Variants in PDYN observed in about 807,000 individuals in gnomAD.
The protein encoded by PDYN is proenkephalin-B.
In PDYN, 5 loss-of-function variants were observed where a neutral mutation model predicts 11.4. That is an observed-to-expected ratio of 0.44 (90% CI 0.23 to 0.92). PDYN has a LOEUF of 0.92. Among genes scored for constraint, PDYN ranks in the 40% least tolerant of loss-of-function variants. The probability of loss-of-function intolerance (pLI) is 0.24; values close to 1 mark genes in which losing one functional copy is unlikely to be tolerated. For missense variants in PDYN, 337 were observed against 317.3 expected (o/e 1.06, Z -0.47); for synonymous variants, 132 against 129.5 (o/e 1.02, Z -0.13).
At chr20:1,991,552 G>A (rs916380869) in intron 2 of PDYN, among the ~76,000 whole-genome samples, 5 of 152,222 alleles carry the variant, frequency 3.3e-5, no homozygotes, top group East Asian at 1.9e-4. Flanking sequence ...GTCTCCAGCC[G>A]ATGTTCACTG....
At chr20:1,988,634 G>A (rs1988299880) in intron 2 of PDYN, among the ~76,000 whole-genome samples, 1 of 152,222 alleles carries the variant, frequency 6.6e-6, no homozygotes, top group African/African-American at 2.4e-5. Flanking sequence ...GGGCCTGCAT[G>A]GTCTTCTTTC....
chr20:1,991,013 G>T (rs540244072), intron 2 of PDYN, among the ~76,000 whole-genome samples: 8 of 151,056 alleles, frequency 5.3e-5, no homozygotes, highest in Non-Finnish European at 1.5e-5. Context: ...AGGGAAGGGG[G>T]TGAGGAGGAG....
chr20:1,981,780 G>T (rs1385933227), intron 3 of PDYN, among the ~76,000 whole-genome samples: 1 of 151,874 alleles, frequency 6.6e-6, no homozygotes, highest in Non-Finnish European at 1.5e-5. Flanking sequence ...ACAAAAATTA[G>T]CTGGGTGTGG....
Position 1,979,981 on chromosome 20 carries a change from G to A in PDYN, c.*342C>T, listed in dbSNP as rs1007947496. 8 of 389,628 alleles carry A rather than the reference G, an allele frequency of 2.1e-5. No individual in the cohort carries two copies. Among genetic ancestry groups the A allele is most frequent in the African/African-American group, 2.1e-5 (1 of 48,424 alleles). 24.1% of individuals were successfully genotyped at this position (389,628 alleles called of 1,614,324 possible). A position where few individuals can be genotyped will look rare whatever the true frequency, so the allele number is the denominator to read the frequency against. ...GACCTACAGGTACAAAGAACACATC[G>A]CTCTGGTTCCCTGGAATTGAGGAGT... On this transcript the variant is annotated 3_prime_UTR_variant, in exon 4 of 4. Coordinates refer to ENST00000217305, the MANE Select transcript of PDYN (RefSeq NM_024411.5).
rs1183244135 is a variant in PDYN, at chr20:1,980,242, A to G, written c.*81T>C. ...TGAGCTGAGCATGGGGAAGGGGCAC[A>G]TATAAGAGGATGAATGAATGCACTC... On this transcript the variant is annotated 3_prime_UTR_variant, in exon 4 of 4. Coordinates refer to ENST00000217305, the MANE Select transcript of PDYN (RefSeq NM_024411.5). 6 of 1,357,376 alleles carry G rather than the reference A, an allele frequency of 4.4e-6. No individual in the cohort carries two copies. Among genetic ancestry groups the G allele is most frequent in the East Asian group, 2.3e-5 (1 of 43,762 alleles). 84.1% of individuals were successfully genotyped at this position (1,357,376 alleles called of 1,614,324 possible).
In PDYN at chr20:1,980,592, C is replaced by T. The variant is rs748830055; in HGVS notation, c.496G>A (p.Glu166Lys). ...METGTLYLAEEDPKEQVKRYG... is the reference protein window; with the variant it reads ...METGTLYLAEKDPKEQVKRYG... ...CGTTTGACCTGCTCCTTGGGGTCCTCCTCAGCGAGATAGAGTGTGCCAGTC... is the reference window on the plus strand; with the variant it reads ...CGTTTGACCTGCTCCTTGGGGTCCTTCTCAGCGAGATAGAGTGTGCCAGTC... Residue 166 changes from glutamate to lysine, a missense_variant, in exon 4 of 4, where the codon GAG (glutamate) becomes AAG (lysine). Coordinates refer to ENST00000217305, the MANE Select transcript of PDYN (RefSeq NM_024411.5). 6.2e-7 allele frequency: 1 copy of T among 1,614,172 alleles called. No homozygotes were observed. Among genetic ancestry groups the T allele is most frequent in the East Asian group, 2.2e-5 (1 of 44,872 alleles).
At chr20:1,986,337 C>T (rs1988183103) in intron 2 of PDYN, among the ~76,000 whole-genome samples, 1 of 152,222 alleles carries the variant, frequency 6.6e-6, no homozygotes, top group Admixed American at 6.5e-5. Flanking sequence ...GTCCTCTCAT[C>T]TCCAGCCTCC....
chr20:1,989,655 A>C (rs557825878), intron 2 of PDYN, among the ~76,000 whole-genome samples: 4 of 152,328 alleles, frequency 2.6e-5, no homozygotes, highest in African/African-American at 7.2e-5. Flanking sequence ...TAACATTGCA[A>C]TTATCTCTCT....
chr20:1,980,713 G>T lies in PDYN; in HGVS notation c.375C>A (p.Ser125Arg). The T allele has an allele frequency of 6.2e-7, 1 of 1,614,176 alleles. No homozygotes were observed. The highest frequency in any genetic ancestry group is 8.5e-7 in the Non-Finnish European group (1 of 1,180,040). Residue 125 changes from serine to arginine, a missense_variant, in exon 4 of 4, where the codon AGC (serine) becomes AGA (arginine). By Grantham distance (110) the Ser-to-Arg change is moderately radical. Coordinates refer to ENST00000217305, the MANE Select transcript of PDYN (RefSeq NM_024411.5). The part of the protein sequence containing the change: ...ISTKENTLSK[S>R]LEEKLRGLSD... ...AGAGACCCCTGAGCTTCTCCTCCAG[G>T]CTCTTGCTCAGAGTGTTCTCCTTTG... is the stretch of plus-strand genomic sequence containing the variant.
At chr20:1,982,916 C>T in intron 3 of PDYN, 40 bp downstream of exon 3, 1 of 1,609,584 alleles carries the variant, frequency 6.2e-7, no homozygotes, top group Non-Finnish European at 8.5e-7. Flanking sequence ...TCGCACAGGT[C>T]CAAGGACCTG....
chr20:1,986,403 C>T (rs13037430), intron 2 of PDYN, among the ~76,000 whole-genome samples: 7,316 of 152,260 alleles, frequency 0.048, 244 homozygotes, highest in Non-Finnish European at 0.074. Flanking sequence ...TCCAATCTTT[C>T]CCTCCTAGAC....
rs1987536853 is a variant in PDYN, at chr20:1,978,827, A to G, written c.*1496T>C. On this transcript the variant is annotated 3_prime_UTR_variant, in exon 4 of 4. Transcript: ENST00000217305. ...TACACAAGCCTATTAAAGGCTAAGCAAATTCCAAGTAAATTGCATAAATGG... is the reference window on the plus strand; with the variant it reads ...TACACAAGCCTATTAAAGGCTAAGCGAATTCCAAGTAAATTGCATAAATGG... The G allele has an allele frequency of 6.6e-6, 1 of 152,234 alleles. No individual in the cohort carries two copies. The highest frequency in any genetic ancestry group is 2.1e-4 in the South Asian group (1 of 4,834). The allele number at this position is 152,234 out of a possible 1,614,324, so 9.4% of individuals were successfully genotyped here.
intron 2 of PDYN, among the ~76,000 whole-genome samples, chr20:1,986,652 C>T: frequency 6.6e-6 from 1 of 152,202 alleles, no homozygotes; most frequent in East Asian, 1.9e-4. Context: ...GACTAATATT[C>T]TCCCCATTTA....
At position 1,979,928 on chromosome 20, in the gene PDYN, A is replaced by G. The variant is rs993864141; in HGVS notation, c.*395T>C. The stretch of plus-strand genomic sequence containing the variant: ...TGCTCATATTTCTTCTAAGAGGGGC[A>G]TGTGATCTGTTAAGTTTGGACATCA... On this transcript the variant is annotated 3_prime_UTR_variant, in exon 4 of 4. Coordinates refer to ENST00000217305, the MANE Select transcript of PDYN (RefSeq NM_024411.5). 3.3e-6 allele frequency: 1 copy of G among 300,302 alleles called. No homozygotes were observed. The highest frequency in any genetic ancestry group is 6.4e-6 in the Non-Finnish European group (1 of 155,928). The allele number at this position is 300,302 out of a possible 1,614,324, so 18.6% of individuals were successfully genotyped here. A position where few individuals can be genotyped will look rare whatever the true frequency, so the allele number is the denominator to read the frequency against.
intron 2 of PDYN, among the ~76,000 whole-genome samples, chr20:1,989,406 TCA>T (rs1988335585): frequency 6.6e-6 from 1 of 152,158 alleles, no homozygotes; most frequent in African/African-American, 2.4e-5. Flanking sequence ...TCCACAAGCC[TCA>T]GTCTTCTCAT....
At chr20:1,982,421 A>G (rs1987875811) in intron 3 of PDYN, among the ~76,000 whole-genome samples, 1 of 152,116 alleles carries the variant, frequency 6.6e-6, no homozygotes, top group African/African-American at 2.4e-5. Flanking sequence ...TGGTACTTCT[A>G]TTCCAGCCTT....
intron 2 of PDYN, 149 bp from the exon 3 acceptor site, chr20:1,983,252 G>A: frequency 4.0e-6 from 3 of 749,886 alleles, no homozygotes; most frequent in Non-Finnish European, 6.3e-6. Context: ...AGAGGCCCAG[G>A]GAGGTAAAGC....
In PDYN at chr20:1,980,625, C is replaced by T. The variant is rs537699545; in HGVS notation, c.463G>A (p.Ala155Thr). 2.5e-6 allele frequency: 4 copies of T among 1,614,154 alleles called. No individual in the cohort carries two copies. The highest frequency in any genetic ancestry group is 2.2e-5 in the South Asian group (2 of 91,084). The change falls in exon 4 of 4, where the codon GCC (alanine) becomes ACC (threonine). Residue 155 changes from alanine (A) to threonine (T), a missense_variant. Physicochemically the swap from Ala to Thr is moderately conservative, Grantham distance 58. Coordinates refer to ENST00000217305, the MANE Select transcript of PDYN (RefSeq NM_024411.5). ...AGATAGAGTGTGCCAGTCTCCATGG[C>T]ACCATCGTTCAGCTGGGCATCCCTC... Reference protein sequence around the residue: ...LMRDAQLNDGAMETGTLYLAE... With the variant: ...LMRDAQLNDGTMETGTLYLAE...
chr20:1,986,124 C>T (rs912727543), intron 2 of PDYN, among the ~76,000 whole-genome samples: 3 of 152,198 alleles, frequency 2.0e-5, no homozygotes, highest in Admixed American at 6.5e-5. Flanking sequence ...GAGCAGTTCT[C>T]GTGGATTAAC....
Sources: gnomAD v4.1 joint callset for allele counts (sites outside exome capture counted in the v4.1 genomes callset) on GRCh38, gnomAD v4.1.1 for gene constraint, MANE v1.5 for transcripts, NCBI Gene and HGNC (gene_info 2026-07-23, HGNC 2026-07-21) for gene names.